Variants in RPS14 observed in about 807,000 individuals in gnomAD.
RPS14 encodes the protein ribosomal protein S14.
Under a neutral mutation model 15.4 loss-of-function variants are expected in RPS14, and 1 was observed. The ratio of observed to expected loss-of-function variants is 0.07; its 90% CI spans 0.02 to 0.31. RPS14 has a LOEUF of 0.31. RPS14 is among the 10% of genes least tolerant of loss of function. The pLI is 1.00. For missense variants in RPS14, 69 were observed against 205.5 expected, an observed-to-expected ratio of 0.34 and a Z score of 4.06; for synonymous variants, 68 against 74.4, an observed-to-expected ratio of 0.91 and a Z score of 0.44.
At chr5:150,447,907 T>G in intron 1 of RPS14, 172 bp from the exon 2 acceptor site, 1 of 694,852 alleles carries the variant, frequency 1.4e-6, no homozygotes, top group African/African-American at 1.8e-5. Context: ...CTCCTTGCAC[T>G]TGGGGGGGTA....
At chr5:150,447,356 C>A in intron 2 of RPS14, 1 of 576,190 alleles carries the variant, frequency 1.7e-6, no homozygotes, top group Non-Finnish European at 3.1e-6. Context: ...AGATAATTCC[C>A]AAGAAACCAA....
At chr5:150,447,008 A>G in intron 2 of RPS14, 45 bp from the exon 3 acceptor site, 1 of 1,604,600 alleles carries the variant, frequency 6.2e-7, no homozygotes, top group Non-Finnish European at 8.5e-7. Context: ...TCCAACAAGG[A>G]GTGCTTACGA....
Position 150,444,229 on chromosome 5 carries a change from T to G in RPS14, c.*57A>C, listed in dbSNP as rs557990161. On this transcript the variant is annotated 3_prime_UTR_variant, in exon 5 of 5. Coordinates refer to ENST00000407193, the MANE Select transcript of RPS14 (RefSeq NM_005617.4). ...CCTGATGAAGGAGAGAAGGCTGGAGTTGAAACAGTTTACATGAAGGCAATT... is the reference window on the plus strand; with the variant it reads ...CCTGATGAAGGAGAGAAGGCTGGAGGTGAAACAGTTTACATGAAGGCAATT... 3 of 1,559,870 alleles carry G rather than the reference T, an allele frequency of 1.9e-6. No individual in the cohort carries two copies. In the African/African-American group the frequency reaches 4.1e-5, roughly 21 times the overall value.
In RPS14 at chr5:150,445,661, G is replaced by A; in HGVS notation, c.336C>T (p.Ala112=). The change falls in exon 4 of 5, where the codon GCC becomes GCT. Residue 112 remains alanine (A), a synonymous_variant. Coordinates refer to ENST00000407193, the MANE Select transcript of RPS14 (RefSeq NM_005617.4). Reference sequence around the variant, plus strand: ...GGGCAAGGGCTCTGAGGGCCGACTGGGCCCCAGGTCCAGGGGTCTTGGTCC... The same window carrying A: ...GGGCAAGGGCTCTGAGGGCCGACTGAGCCCCAGGTCCAGGGGTCTTGGTCC... The part of the protein sequence containing the change: ...GNRTKTPGPG[A]QSALRALARS... The A allele has an allele frequency of 1.2e-6, 2 of 1,610,368 alleles. No homozygotes were observed. The highest frequency in any genetic ancestry group is 1.7e-6 in the Non-Finnish European group (2 of 1,179,196).
chr5:150,444,313 C>G lies in RPS14; in HGVS notation c.429G>C (p.Lys143Asn). 2 of 1,611,386 alleles carry G rather than the reference C, an allele frequency of 1.2e-6. No homozygotes were observed. The highest frequency in any genetic ancestry group is 1.3e-5 in the African/African-American group (1 of 74,982). The part of the protein sequence containing the change: ...TPIPSDSTRR[K>N]GGRRGRRL ...ACAGACGGCGACCACGGCGACCCCC[C>G]TTCCTGCGAGTGCTGTCAGAGGGGA... The change falls in exon 5 of 5, where the codon AAG (lysine) becomes AAC (asparagine). Residue 143 changes from lysine to asparagine, a missense_variant. Lys to Asn is a moderately conservative substitution (Grantham distance 94). Coordinates refer to ENST00000407193, the MANE Select transcript of RPS14 (RefSeq NM_005617.4).
chr5:150,446,939 A>G lies in RPS14; in HGVS notation c.174T>C (p.Gly58=), dbSNP rs1379803031. 6.2e-7 allele frequency: 1 copy of G among 1,613,910 alleles called. No individual in the cohort carries two copies. The highest frequency in any genetic ancestry group is 2.2e-5 in the East Asian group (1 of 44,876). Residue 58 remains glycine (G), a synonymous_variant, in exon 3 of 5, where the codon GGT becomes GGC. Transcript: ENST00000407193. The surrounding 1 kb of genome is among the most constrained non-coding windows in gnomAD (Gnocchi z 4.2). ...SGKETICRVT[G]GMKVKADRDE... is the part of the protein sequence containing the mutation. ...CTCGGTCTGCCTTTACCTTCATCCC[A>G]CCAGTCACACGGCAGATGGTTTCCC...
rs878873258 is a variant in RPS14 at position 150,444,301 on chromosome 5, A to T, written c.441T>A (p.Arg147=). 4.3e-6 allele frequency: 7 copies of T among 1,610,834 alleles called. No homozygotes were observed. The highest frequency in any genetic ancestry group is 5.1e-6 in the Non-Finnish European group (6 of 1,177,922). Residue 147 remains arginine (R), a synonymous_variant, in exon 5 of 5, where the codon CGT becomes CGA. Coordinates refer to ENST00000407193, the MANE Select transcript of RPS14 (RefSeq NM_005617.4). The part of the protein sequence containing the change: ...SDSTRRKGGR[R]GRRL Reference sequence around the variant, plus strand: ...GGAATCTTGTTCACAGACGGCGACCACGGCGACCCCCCTTCCTGCGAGTGC... The same window carrying T: ...GGAATCTTGTTCACAGACGGCGACCTCGGCGACCCCCCTTCCTGCGAGTGC...
At position 150,444,183 on chromosome 5, in the gene RPS14, A is replaced by G. The variant is rs117886463; in HGVS notation, c.*103T>C. 4.1e-4 allele frequency: 606 copies of G among 1,481,652 alleles called. 5 individuals are homozygous for G. In the East Asian group the frequency reaches 0.012, roughly 29 times the overall value. 91.8% of individuals were successfully genotyped at this position (1,481,652 alleles called of 1,614,324 possible). On this transcript the variant is annotated 3_prime_UTR_variant, in exon 5 of 5. Transcript: ENST00000407193. ...TCCCAAGAAGCCAAATAGGAGGAAG[A>G]AATCAAATGCCTGAGTAGCCCCTGA... is the stretch of plus-strand genomic sequence containing the variant.
intron 2 of RPS14, 120 bp downstream of exon 2, chr5:150,447,465 T>C: frequency 9.7e-7 from 1 of 1,033,038 alleles, no homozygotes; most frequent in Admixed American, 1.9e-5. Context: ...GACAAGCACA[T>C]TTTCTTACCT....
chr5:150,449,141 T>C (rs1771194774), intron 1 of RPS14: 1 of 152,246 alleles, frequency 6.6e-6, no homozygotes, highest in South Asian at 2.1e-4. Flanking sequence ...ACATTGGTGC[T>C]GGGCCCTGAG....
chr5:150,445,715 G>A (rs1407612383), intron 3 of RPS14, 30 bp from the exon 4 acceptor site: 2 of 1,559,848 alleles, frequency 1.3e-6, no homozygotes, highest in Admixed American at 3.6e-5. Flanking sequence ...GTTAAGAAGA[G>A]CCTTTGGCCA....
At chr5:150,445,884 A>G (rs557276944) in intron 3 of RPS14, among the ~76,000 whole-genome samples, 199 bp from the exon 4 acceptor site, 32 of 152,258 alleles carry the variant, frequency 2.1e-4, no homozygotes, top group African/African-American at 7.0e-4. Context: ...TCAGCTCAGG[A>G]GTTCAAGACC....
At chr5:150,445,751 G>T in intron 3 of RPS14, 66 bp from the exon 4 acceptor site, 1 of 1,244,876 alleles carries the variant, frequency 8.0e-7, no homozygotes, top group Non-Finnish European at 1.2e-6. Flanking sequence ...TCCTTTCTAA[G>T]ATCCCAACAC....
chr5:150,447,385 G>A (rs1039038725), intron 2 of RPS14, 200 bp downstream of exon 2: 12 of 604,934 alleles, frequency 2.0e-5, no homozygotes, highest in African/African-American at 1.2e-4. Context: ...TGACCATCAC[G>A]CTGTAAGGAC....
chr5:150,445,193 G>A (rs542707003), intron 4 of RPS14, among the ~76,000 whole-genome samples: 1 of 152,164 alleles, frequency 6.6e-6, no homozygotes, highest in East Asian at 1.9e-4. Context: ...AATAACAGAA[G>A]CTGGTACCCC....
rs887343516 is a variant in RPS14, at chr5:150,446,526, T to C, written c.311+276A>G. 3.3e-5 allele frequency among the ~76,000 whole-genome samples: 5 copies of C among 152,152 alleles called. No individual in the cohort carries two copies. The highest frequency in any genetic ancestry group is 1.2e-4 in the African/African-American group (5 of 41,428). ...GGTGCTCTGTTGTTTAAAGTCTGAC[T>C]CTCCCACCAGCCTCGGTCCCACACA... is the stretch of plus-strand genomic sequence containing the variant. On this transcript the variant is annotated intron_variant, in intron 3 of 4. Coordinates refer to ENST00000407193, the MANE Select transcript of RPS14 (RefSeq NM_005617.4). The surrounding 1 kb of genome is among the most constrained non-coding windows in gnomAD (Gnocchi z 4.2).
chr5:150,447,432 T>C, intron 2 of RPS14, 153 bp downstream of exon 2: 2 of 761,460 alleles, frequency 2.6e-6, no homozygotes, highest in Non-Finnish European at 4.5e-6. Context: ...CCCTGGGAAA[T>C]CACAATATTT....
rs1432976020 is a variant in RPS14 at position 150,446,681 on chromosome 5, T to C, written c.311+121A>G. Reference sequence around the variant, plus strand: ...ACACAGGAGCCAATTATTAAGTATGTATATGCCTAAAATATCTTGTTCAAG... The same window carrying C: ...ACACAGGAGCCAATTATTAAGTATGCATATGCCTAAAATATCTTGTTCAAG... On this transcript the variant is annotated intron_variant, in intron 3 of 4. Coordinates refer to ENST00000407193, the MANE Select transcript of RPS14 (RefSeq NM_005617.4). This position sits in a 1 kb window ranked among gnomAD's most constrained non-coding sequence, Gnocchi z 4.2. 5.7e-6 allele frequency: 6 copies of C among 1,059,556 alleles called. No homozygotes were observed. Among genetic ancestry groups the C allele is most frequent in the East Asian group, 4.8e-5 (2 of 41,646 alleles). 65.6% of individuals were successfully genotyped at this position (1,059,556 alleles called of 1,614,324 possible).
rs1259477207 is a variant in RPS14 at position 150,444,220 on chromosome 5, A to C, written c.*66T>G. 6.5e-7 allele frequency: 1 copy of C among 1,548,786 alleles called. No individual in the cohort carries two copies. Among genetic ancestry groups the C allele is most frequent in the African/African-American group, 1.4e-5 (1 of 73,414 alleles). ...TGAGTAGCCCCTGATGAAGGAGAGA[A>C]GGCTGGAGTTGAAACAGTTTACATG... On this transcript the variant is annotated 3_prime_UTR_variant, in exon 5 of 5. Transcript: ENST00000407193.
Sources: allele counts gnomAD v4.1 joint callset (sites outside exome capture counted in the v4.1 genomes callset), GRCh38; gene constraint gnomAD v4.1.1; non-coding constraint Gnocchi (gnomAD v3.1); transcripts MANE v1.5; gene names NCBI Gene and HGNC (gene_info 2026-07-23, HGNC 2026-07-21).